NFKBIZ: variants seen among roughly 807,000 people sequenced by gnomAD.
NFKBIZ encodes NF-kappa-B inhibitor zeta.
A neutral mutation model predicts 76.8 loss-of-function variants in NFKBIZ; 19 were observed. That is an observed-to-expected ratio of 0.25 (90% CI 0.17 to 0.36). The LOEUF (loss-of-function observed/expected upper bound fraction) is 0.36. Among genes scored for constraint, NFKBIZ ranks in the 10% least tolerant of loss-of-function variants. NFKBIZ has a pLI of 1.00. For synonymous variants in NFKBIZ, 368 were observed against 354.8 expected (o/e 1.04, Z -0.42); for missense variants, 829 against 910.9 (o/e 0.91, Z 1.16).
chr3:101,844,403 GATT>G (rs1576810326), intron 2 of NFKBIZ, among the ~76,000 whole-genome samples: 1 of 152,176 alleles, frequency 6.6e-6, no homozygotes, highest in East Asian at 1.9e-4. Flanking sequence ...AGAATACAAT[GATT>G]ACTAGTTCAT....
intron 2 of NFKBIZ, among the ~76,000 whole-genome samples, chr3:101,831,252 A>G (rs1156718820): frequency 6.6e-6 from 1 of 152,242 alleles, no homozygotes; most frequent in African/African-American, 2.4e-5. Context: ...CTTAGCTATT[A>G]CAATAGTTTG....
chr3:101,829,703 T>C (rs1343874799), intron 2 of NFKBIZ: 1 of 152,184 alleles, frequency 6.6e-6, no homozygotes, highest in Non-Finnish European at 1.5e-5. Flanking sequence ...GAAGGGCTGA[T>C]ATTTCTAAAC....
chr3:101,853,656 T>C lies in NFKBIZ; in HGVS notation c.1130T>C (p.Met377Thr). 6.2e-7 allele frequency: 1 copy of C among 1,614,258 alleles called. No individual in the cohort carries two copies. Among genetic ancestry groups the C allele is most frequent in the East Asian group, 2.2e-5 (1 of 44,894 alleles). Residue 377 changes from methionine to threonine, a missense_variant, in exon 5 of 12, where the codon ATG becomes ACG. By Grantham distance (81) the Met-to-Thr change is moderately conservative. Coordinates refer to ENST00000326172, the MANE Select transcript of NFKBIZ (RefSeq NM_031419.4). ...GCTCACTTGCACAGCTTCAGCATGA[T>C]GCCCAGCAGCGCCTGTGAGGCCATG... ...NDAHLHSFSM[M>T]PSSACEAMVG...
intron 2 of NFKBIZ, among the ~76,000 whole-genome samples, chr3:101,842,796 C>T (rs1942803733): frequency 6.6e-6 from 1 of 150,890 alleles, no homozygotes; most frequent in South Asian, 2.1e-4. Flanking sequence ...TTTAAGTGGG[C>T]AAGGCTGGAT....
chr3:101,835,672 G>A (rs540789951), intron 2 of NFKBIZ, among the ~76,000 whole-genome samples: 38 of 152,190 alleles, frequency 2.5e-4, no homozygotes, highest in Admixed American at 2.6e-4. Context: ...GACTCACCCC[G>A]ACAGCCCATT....
chr3:101,857,591 G>A lies in NFKBIZ; in HGVS notation c.2103+132G>A, dbSNP rs1943070031. ...ACTCTATCAGTGTCTGTGTCTCACGGTAGCTGTCATAGCATTGTGGAGTTA... is the reference window on the plus strand; with the variant it reads ...ACTCTATCAGTGTCTGTGTCTCACGATAGCTGTCATAGCATTGTGGAGTTA... On this transcript the variant is annotated intron_variant, in intron 11 of 11. Transcript: ENST00000326172. 6 of 1,474,458 alleles carry A rather than the reference G, an allele frequency of 4.1e-6. No individual in the cohort carries two copies. The South Asian group carries it at 4.2e-5, about 10-fold the overall frequency. The allele number at this position is 1,474,458 out of a possible 1,614,324, so 91.3% of individuals were successfully genotyped here.
rs926335457 is a variant in NFKBIZ, at chr3:101,860,486, A to C, written c.*1115A>C. On this transcript the variant is annotated 3_prime_UTR_variant, in exon 12 of 12. Coordinates refer to ENST00000326172, the MANE Select transcript of NFKBIZ (RefSeq NM_031419.4). Reference sequence around the variant, plus strand: ...GCCACCATGCCCGGCTGGCAGTTGCATGGAAGAGAACACCTCTTTATGGCT... The same window carrying C: ...GCCACCATGCCCGGCTGGCAGTTGCCTGGAAGAGAACACCTCTTTATGGCT... 2 of 152,176 alleles carry C rather than the reference A, an allele frequency of 1.3e-5. No individual in the cohort carries two copies. The highest frequency in any genetic ancestry group is 6.5e-5 in the Admixed American group (1 of 15,268). 9.4% of individuals were successfully genotyped at this position (152,176 alleles called of 1,614,324 possible).
rs1942923458 is a variant in NFKBIZ at position 101,849,915 on chromosome 3, C to T, written c.287C>T (p.Pro96Leu). The T allele has an allele frequency of 1.4e-6, 2 of 1,419,442 alleles. No homozygotes were observed. The highest frequency in any genetic ancestry group is 1.5e-5 in the African/African-American group (1 of 66,708). 87.9% of individuals were successfully genotyped at this position (1,419,442 alleles called of 1,614,324 possible). Residue 96 changes from proline (P) to leucine (L), a missense_variant and splice_region_variant, in exon 1 of 12, where the codon CCA becomes CTA. This residue lies in a region of NFKBIZ where 181 missense variants were observed against 175.3 expected (regional missense o/e 1.03). Transcript: ENST00000326172. ...SRGGARAERQ[P>L]VEPHMGVGRQ... ...GGCGGCGCCCGCGCCGAGCGCCAGC[C>T]AGGTACCCGCCGGCCCCGCACCGCT...
At chr3:101,830,148 G>T (rs927953381) in intron 2 of NFKBIZ, among the ~76,000 whole-genome samples, 1 of 152,196 alleles carries the variant, frequency 6.6e-6, no homozygotes. Flanking sequence ...GATTGTCTGT[G>T]AAGTAAAATA....
At chr3:101,832,634 G>T (rs1298674607) in intron 2 of NFKBIZ, among the ~76,000 whole-genome samples, 1 of 152,168 alleles carries the variant, frequency 6.6e-6, no homozygotes, top group Non-Finnish European at 1.5e-5. Context: ...TTGTATAAAT[G>T]TCAGAATTTC....
chr3:101,831,069 G>A, intron 2 of NFKBIZ, among the ~76,000 whole-genome samples: 1 of 152,202 alleles, frequency 6.6e-6, no homozygotes, highest in East Asian at 1.9e-4. Flanking sequence ...TTTTGGATAT[G>A]TTTTAGCATT....
At chr3:101,855,299 G>C (rs1943031914) in intron 7 of NFKBIZ, 91 bp downstream of exon 7, 3 of 1,604,248 alleles carry the variant, frequency 1.9e-6, no homozygotes, top group Non-Finnish European at 2.6e-6. Flanking sequence ...CTGTTGCAAT[G>C]ATCTATTTTG....
upstream of NFKBIZ, chr3:101,848,887 TTCAG>T (rs1169293709): frequency 6.6e-6 from 1 of 152,200 alleles, no homozygotes; most frequent in Admixed American, 6.5e-5. Context: ...CAACATCTCT[TTCAG>T]TTCGGGATGT....
chr3:101,840,726 C>T (rs1402971851), intron 2 of NFKBIZ, among the ~76,000 whole-genome samples: 1 of 152,178 alleles, frequency 6.6e-6, no homozygotes, highest in Non-Finnish European at 1.5e-5. Flanking sequence ...TTGGGATGTT[C>T]AACTGTGTGA....
At chr3:101,845,588 C>T (rs890266186), upstream of NFKBIZ, among the ~76,000 whole-genome samples, 7 of 152,154 alleles carry the variant, frequency 4.6e-5, no homozygotes, top group Non-Finnish European at 8.8e-5. Context: ...AGGCGTGAGC[C>T]ACTGCACCCA....
At chr3:101,836,363 T>C (rs762454332) in intron 2 of NFKBIZ, among the ~76,000 whole-genome samples, 6 of 152,210 alleles carry the variant, frequency 3.9e-5, no homozygotes, top group Non-Finnish European at 8.8e-5. Flanking sequence ...CTCCGGGAAC[T>C]CTCTACGTAA....
chr3:101,838,287 TTAGATAC>T (rs1244317449), intron 2 of NFKBIZ, among the ~76,000 whole-genome samples: 1 of 152,218 alleles, frequency 6.6e-6, no homozygotes, highest in Admixed American at 6.5e-5. Context: ...GAAATTTGAT[TTAGATAC>T]TAGTATCTCA....
Position 101,852,069 on chromosome 3 carries a change from G to A in NFKBIZ, c.290-16G>A. On this transcript the variant is annotated splice_polypyrimidine_tract_variant and intron_variant, in intron 1 of 11. Coordinates refer to ENST00000326172, the MANE Select transcript of NFKBIZ (RefSeq NM_031419.4). ...AGATATTTAACCAGGAATATGTTTT[G>A]TTTTCTTTTGAACAGTTGAGCCCCA... 1 of 1,605,262 alleles carries A rather than the reference G, an allele frequency of 6.2e-7. No individual in the cohort carries two copies. Among genetic ancestry groups the A allele is most frequent in the East Asian group, 2.2e-5 (1 of 44,840 alleles).
chr3:101,829,049 G>A (rs1423155234), intron 1 of NFKBIZ, among the ~76,000 whole-genome samples: 1 of 152,118 alleles, frequency 6.6e-6, no homozygotes, highest in South Asian at 2.1e-4. Flanking sequence ...TCACCACCCC[G>A]CATAATCCCT....
Sources: gnomAD v4.1 joint callset for allele counts (sites outside exome capture counted in the v4.1 genomes callset) on GRCh38, gnomAD v4.1.1 for gene constraint, gnomAD v4.1.1 regional missense constraint, MANE v1.5 for transcripts, NCBI Gene and HGNC (gene_info 2026-07-23, HGNC 2026-07-21) for gene names.